ZNF621: variants seen among roughly 807,000 people sequenced by gnomAD.
The protein encoded by ZNF621 is zinc finger protein 621.
A neutral mutation model predicts 12.7 loss-of-function variants in ZNF621; 6 were observed. The observed-to-expected ratio is 0.47, with a 90% CI of 0.26 to 0.93. The LOEUF is 0.93. ZNF621 is among the 40% of genes least tolerant of loss of function. The pLI, the probability that ZNF621 is intolerant of heterozygous loss-of-function variation, is 0.15. For missense variants in ZNF621, 474 were observed against 524.0 expected (o/e 0.90, Z 0.93); for synonymous variants, 156 against 190.3 (o/e 0.82, Z 1.48).
intron 2 of ZNF621, among the ~76,000 whole-genome samples, chr3:40,528,209 T>C (rs1365682585): frequency 6.6e-6 from 1 of 152,238 alleles, no homozygotes; most frequent in South Asian, 2.1e-4. Context: ...TTCATAGTTT[T>C]GCCAGTTCCA....
chr3:40,528,350 A>G (rs532996621), intron 2 of ZNF621, among the ~76,000 whole-genome samples: 2 of 152,280 alleles, frequency 1.3e-5, no homozygotes, highest in African/African-American at 4.8e-5. Context: ...AGTGCTGAAT[A>G]ATATTCCATT....
Position 40,534,636 on chromosome 3 carries a change from A to C in ZNF621, c.*1546A>C, listed in dbSNP as rs929440378. On this transcript the variant is annotated 3_prime_UTR_variant, in exon 5 of 5. Coordinates refer to ENST00000339296, the MANE Select transcript of ZNF621 (RefSeq NM_198484.5). ...TCTTGCACAAATTCTGATTTTGGCT[A>C]TCTGTGGTGATGGCCAGATCTTTAG... 1.3e-5 allele frequency: 2 copies of C among 152,190 alleles called. No individual in the cohort carries two copies. Among genetic ancestry groups the C allele is most frequent in the African/African-American group, 4.8e-5 (2 of 41,446 alleles). The allele number at this position is 152,190 out of a possible 1,614,324, so 9.4% of individuals were successfully genotyped here. A position where few individuals can be genotyped will look rare whatever the true frequency, so the allele number is the denominator to read the frequency against.
At position 40,532,773 on chromosome 3, in the gene ZNF621, G is replaced by T. The variant is rs1230878685; in HGVS notation, c.1003G>T (p.Val335Phe). 1.2e-6 allele frequency: 2 copies of T among 1,614,166 alleles called. No homozygotes were observed. Among genetic ancestry groups the T allele is most frequent in the East Asian group, 4.5e-5 (2 of 44,874 alleles). ...GKAFKWYGSF[V>F]QHQKLHPVEK... ...AGCCTTCAAATGGTATGGAAGTTTT[G>T]TTCAGCATCAGAAATTGCACCCTGT... The change falls in exon 5 of 5, where the codon GTT (valine) becomes TTT (phenylalanine). Residue 335 changes from valine (V) to phenylalanine (F), a missense_variant. Coordinates refer to ENST00000339296, the MANE Select transcript of ZNF621 (RefSeq NM_198484.5).
chr3:40,526,721 G>A (rs1346257691), intron 2 of ZNF621, among the ~76,000 whole-genome samples: 4 of 152,266 alleles, frequency 2.6e-5, no homozygotes, highest in African/African-American at 4.8e-5. Context: ...TGGTTCATTG[G>A]GAAGGCACTG....
At chr3:40,531,124 A>G (rs1698716924) in intron 4 of ZNF621, among the ~76,000 whole-genome samples, 2 of 152,228 alleles carry the variant, frequency 1.3e-5, no homozygotes, top group South Asian at 4.1e-4. Context: ...GACTTTCTGA[A>G]ACTAATCATC....
upstream of ZNF621, among the ~76,000 whole-genome samples, chr3:40,523,240 A>C (rs758519598): frequency 4.6e-5 from 7 of 152,234 alleles, no homozygotes; most frequent in Non-Finnish European, 1.0e-4. Flanking sequence ...GTAGATACCT[A>C]AGATACTCTC....
intron 2 of ZNF621, among the ~76,000 whole-genome samples, chr3:40,528,185 A>C (rs1464161330): frequency 6.6e-6 from 1 of 152,162 alleles, no homozygotes; most frequent in African/African-American, 2.4e-5. Flanking sequence ...CCATCAATTG[A>C]TTTTTGTATT....
In ZNF621 at chr3:40,535,667, G is replaced by A. The variant is rs1185207908; in HGVS notation, c.*2577G>A. 6.6e-6 allele frequency: 1 copy of A among 152,198 alleles called. No homozygotes were observed. The highest frequency in any genetic ancestry group is 1.5e-5 in the Non-Finnish European group (1 of 68,044). 9.4% of individuals were successfully genotyped at this position (152,198 alleles called of 1,614,324 possible). A position where few individuals can be genotyped will look rare whatever the true frequency, so the allele number is the denominator to read the frequency against. On this transcript the variant is annotated 3_prime_UTR_variant, in exon 5 of 5. Coordinates refer to ENST00000339296, the MANE Select transcript of ZNF621 (RefSeq NM_198484.5). ...TTGGTTATATATGTATGTCCAAGTT[G>A]CAGGGGCTTCTGGGAAATACAGGTT... is the stretch of plus-strand genomic sequence containing the variant.
chr3:40,528,152 C>T (rs578048880), intron 2 of ZNF621, among the ~76,000 whole-genome samples: 58 of 152,332 alleles, frequency 3.8e-4, no homozygotes, highest in African/African-American at 1.3e-3. Context: ...TTACTTTCCC[C>T]TTAGTCCCGT....
intron 2 of ZNF621, among the ~76,000 whole-genome samples, chr3:40,526,377 G>A (rs1459746965): frequency 6.6e-6 from 1 of 152,108 alleles, no homozygotes; most frequent in Non-Finnish European, 1.5e-5. Flanking sequence ...ACACCACGTT[G>A]GCCAGGCTGG....
In ZNF621 at chr3:40,534,930, C is replaced by G. The variant is rs780966109; in HGVS notation, c.*1840C>G. 22 of 152,188 alleles carry G rather than the reference C, an allele frequency of 1.4e-4. No homozygotes were observed. The highest frequency in any genetic ancestry group is 3.1e-4 in the Non-Finnish European group (21 of 68,048). The allele number at this position is 152,188 out of a possible 1,614,324, so 9.4% of individuals were successfully genotyped here. ...GTCACTTTAAATTCATGACCAGTAA[C>G]TTCATGGAGGCCCTTAACGTTTCCT... On this transcript the variant is annotated 3_prime_UTR_variant, in exon 5 of 5. Coordinates refer to ENST00000339296, the MANE Select transcript of ZNF621 (RefSeq NM_198484.5).
At chr3:40,525,918 A>G in intron 2 of ZNF621, 54 bp downstream of exon 2, 1 of 1,600,638 alleles carries the variant, frequency 6.2e-7, no homozygotes, top group Non-Finnish European at 8.5e-7. Flanking sequence ...TTTTTTACTC[A>G]CATTAGCTAT....
At chr3:40,530,057 G>A (rs1175748826) in intron 3 of ZNF621, 152 bp from the exon 4 acceptor site, 32 of 600,372 alleles carry the variant, frequency 5.3e-5, no homozygotes, top group Non-Finnish European at 9.1e-5. Context: ...TTATCGTGGA[G>A]CACAGTTTGG....
Position 40,535,362 on chromosome 3 carries a change from C to T in ZNF621, c.*2272C>T, listed in dbSNP as rs927054321. 1 of 152,224 alleles carries T rather than the reference C, an allele frequency of 6.6e-6. No homozygotes were observed. Among genetic ancestry groups the T allele is most frequent in the African/African-American group, 2.4e-5 (1 of 41,444 alleles). The allele number at this position is 152,224 out of a possible 1,614,324, so 9.4% of individuals were successfully genotyped here. Reference sequence around the variant, plus strand: ...GATCAGCAGTAGACTGAAGAATCTACCTTAGATTTGCTCCATACTATTAAT... The same window carrying T: ...GATCAGCAGTAGACTGAAGAATCTATCTTAGATTTGCTCCATACTATTAAT... On this transcript the variant is annotated 3_prime_UTR_variant, in exon 5 of 5. Transcript: ENST00000339296.
chr3:40,531,236 C>A (rs1050403489), intron 4 of ZNF621, among the ~76,000 whole-genome samples: 1 of 152,122 alleles, frequency 6.6e-6, no homozygotes, highest in African/African-American at 2.4e-5. Flanking sequence ...GCTTTGGGAT[C>A]TAGTTTTTTC....
chr3:40,528,655 C>T (rs1331636633), intron 2 of ZNF621, among the ~76,000 whole-genome samples: 1 of 152,178 alleles, frequency 6.6e-6, no homozygotes, highest in African/African-American at 2.4e-5. Context: ...ACATCCTGGC[C>T]AGCATTTGGT....
intron 2 of ZNF621, among the ~76,000 whole-genome samples, chr3:40,527,024 G>C (rs1698599530): frequency 6.6e-6 from 1 of 151,654 alleles, no homozygotes; most frequent in Admixed American, 6.6e-5. Context: ...TTGTTTGTTT[G>C]TTTGTTTTTT....
chr3:40,531,275 C>T lies in ZNF621; in HGVS notation c.260-755C>T, dbSNP rs1698720750. On this transcript the variant is annotated intron_variant, in intron 4 of 4. Coordinates refer to ENST00000339296, the MANE Select transcript of ZNF621 (RefSeq NM_198484.5). Reference sequence around the variant, plus strand: ...GTTTGTGTTTCTCAGTCTGCAAGACCTCTTGTAGTGCTGGAGCTGCTTCTC... The same window carrying T: ...GTTTGTGTTTCTCAGTCTGCAAGACTTCTTGTAGTGCTGGAGCTGCTTCTC... Among the ~76,000 whole-genome samples, 3 of 152,146 alleles carry T rather than the reference C, an allele frequency of 2.0e-5. No homozygotes were observed. In the South Asian group the frequency reaches 6.2e-4, roughly 32 times the overall value.
In ZNF621 at chr3:40,532,350, T is replaced by C. The variant is rs776243681; in HGVS notation, c.580T>C (p.Cys194Arg). ...CAAAGCTTTCAAGTCCAGCTATGAT[T>C]GTATTGTACATGAGAAAAACCACAT... is the stretch of plus-strand genomic sequence containing the variant. Reference protein sequence around the residue: ...CGKAFKSSYDCIVHEKNHIGE... With the variant: ...CGKAFKSSYDRIVHEKNHIGE... The change falls in exon 5 of 5, where the codon TGT (cysteine) becomes CGT (arginine). Residue 194 changes from cysteine to arginine, a missense_variant. Coordinates refer to ENST00000339296, the MANE Select transcript of ZNF621 (RefSeq NM_198484.5). The C allele has an allele frequency of 1.2e-6, 2 of 1,612,476 alleles. No individual in the cohort carries two copies. The highest frequency in any genetic ancestry group is 1.7e-6 in the Non-Finnish European group (2 of 1,180,026).
Sources: gnomAD v4.1 joint callset for allele counts (sites outside exome capture counted in the v4.1 genomes callset) on GRCh38, gnomAD v4.1.1 for gene constraint, MANE v1.5 for transcripts, NCBI Gene and HGNC (gene_info 2026-07-23, HGNC 2026-07-21) for gene names.